ANKS1B: variants seen among roughly 807,000 people sequenced by gnomAD.
The protein encoded by ANKS1B is ankyrin repeat and sterile alpha motif domain-containing protein 1B.
Under a neutral mutation model 148.3 loss-of-function variants are expected in ANKS1B, and 36 were observed. The ratio of observed to expected loss-of-function variants is 0.24; its 90% CI spans 0.19 to 0.32. ANKS1B has a LOEUF of 0.32. Among genes scored for constraint, ANKS1B ranks in the 10% least tolerant of loss-of-function variants. The probability of loss-of-function intolerance (pLI) is 1.00; values close to 1 mark genes in which losing one functional copy is unlikely to be tolerated. For missense variants in ANKS1B, 1,157 were observed against 1,542.6 expected (o/e 0.75, Z 4.19); for synonymous variants, 542 against 560.8 (o/e 0.97, Z 0.47).
chr12:99,029,480 C>T (rs1324178650), intron 17 of ANKS1B, among the ~76,000 whole-genome samples: 3 of 152,186 alleles, frequency 2.0e-5, no homozygotes, highest in Non-Finnish European at 4.4e-5. Context: ...GGGTGAATTG[C>T]TCACGCTTTA....
At chr12:98,746,007 T>A (rs2097879961) in intron 26 of ANKS1B, 158 bp from the exon 27 acceptor site, 5 of 690,184 alleles carry the variant, frequency 7.2e-6, no homozygotes, top group Non-Finnish European at 9.1e-6. Context: ...TGGACACACA[T>A]TTACCGCATA....
chr12:99,384,891 A>G (rs1399943939), intron 12 of ANKS1B, among the ~76,000 whole-genome samples: 2 of 152,146 alleles, frequency 1.3e-5, no homozygotes, highest in South Asian at 2.1e-4. Context: ...TATTTCCAGT[A>G]TCTTGCCTGG....
intron 9 of ANKS1B, among the ~76,000 whole-genome samples, chr12:99,630,202 G>A (rs992518528): frequency 2.0e-5 from 3 of 152,036 alleles, no homozygotes; most frequent in African/African-American, 7.2e-5. Flanking sequence ...CCTAATGGTA[G>A]CCAGGATTCA....
At chr12:99,796,204 G>T (rs1271547036) in intron 4 of ANKS1B, among the ~76,000 whole-genome samples, 2 of 152,120 alleles carry the variant, frequency 1.3e-5, no homozygotes, top group Middle Eastern at 3.4e-3. Flanking sequence ...GCACAGAGAT[G>T]CTGGACAAAG....
At chr12:98,888,042 TAA>T (rs1234295966) in intron 17 of ANKS1B, among the ~76,000 whole-genome samples, 1 of 152,236 alleles carries the variant, frequency 6.6e-6, no homozygotes, top group African/African-American at 2.4e-5. Context: ...TTAAATGATA[TAA>T]GTCTACTGCT....
intron 8 of ANKS1B, among the ~76,000 whole-genome samples, chr12:99,665,807 G>GT (rs1393884208): frequency 2.0e-5 from 3 of 152,110 alleles, no homozygotes; most frequent in Non-Finnish European, 4.4e-5. Flanking sequence ...TTGCTGTGTT[G>GT]TAAGAGTATT....
At chr12:99,192,851 CAATATAATAA>C (rs1472489113) in intron 14 of ANKS1B, among the ~76,000 whole-genome samples, 1 of 151,786 alleles carries the variant, frequency 6.6e-6, no homozygotes, top group Non-Finnish European at 1.5e-5. Context: ...TTTTAATATT[CAATATAATAA>C]ATACAATTTG....
chr12:99,543,473 T>C (rs1157022036), intron 9 of ANKS1B, among the ~76,000 whole-genome samples: 1 of 152,138 alleles, frequency 6.6e-6, no homozygotes. Flanking sequence ...CCTCTAGTTA[T>C]ATATAACAAA....
At chr12:99,357,605 A>G (rs2092116420) in intron 12 of ANKS1B, among the ~76,000 whole-genome samples, 2 of 152,116 alleles carry the variant, frequency 1.3e-5, no homozygotes, top group Admixed American at 1.3e-4. Context: ...TCATCTGTTT[A>G]TGTGTCTGTG....
At chr12:99,893,185 C>A (rs1169692073) in intron 1 of ANKS1B, among the ~76,000 whole-genome samples, 1 of 151,984 alleles carries the variant, frequency 6.6e-6, no homozygotes, top group African/African-American at 2.4e-5. Context: ...CCGAGGCGGG[C>A]AGATCACAAG....
intron 17 of ANKS1B, among the ~76,000 whole-genome samples, chr12:99,041,808 C>G (rs1029263374): frequency 2.6e-5 from 4 of 151,992 alleles, no homozygotes; most frequent in African/African-American, 7.3e-5. Flanking sequence ...CACAACAAGC[C>G]TAGGTAACAT....
chr12:98,981,159 T>C (rs568953803), intron 17 of ANKS1B, among the ~76,000 whole-genome samples: 9 of 151,720 alleles, frequency 5.9e-5, no homozygotes, highest in Non-Finnish European at 2.9e-5. Context: ...TAAAAAAAAT[T>C]AGCTGGGCAT....
intron 1 of ANKS1B, among the ~76,000 whole-genome samples, chr12:99,925,981 A>G (rs942244984): frequency 2.0e-5 from 3 of 152,194 alleles, no homozygotes; most frequent in African/African-American, 7.2e-5. Context: ...GATAGCTTTT[A>G]AGTAGTTTTT....
chr12:98,794,386 C>A (rs574839775), intron 22 of ANKS1B: 11 of 185,106 alleles, frequency 5.9e-5, no homozygotes, highest in African/African-American at 9.1e-5. Flanking sequence ...GAGCGAAACT[C>A]TGTCTCAAAA....
chr12:99,861,213 A>G (rs1373398351), intron 1 of ANKS1B, among the ~76,000 whole-genome samples: 1 of 152,236 alleles, frequency 6.6e-6, no homozygotes, highest in Non-Finnish European at 1.5e-5. Context: ...TGAGGGCTGC[A>G]CAATTATAAT....
At chr12:99,783,686 TAGA>T (rs1265032684) in intron 4 of ANKS1B, among the ~76,000 whole-genome samples, 1 of 151,970 alleles carries the variant, frequency 6.6e-6, no homozygotes, top group African/African-American at 2.4e-5. Context: ...GTTGGACCCA[TAGA>T]AGTAGAGAGT....
chr12:99,814,098 G>A lies in ANKS1B; in HGVS notation c.216-1787C>T, dbSNP rs545675730. 3.3e-5 allele frequency among the ~76,000 whole-genome samples: 5 copies of A among 151,720 alleles called. 1 individual carries two copies. In the South Asian group the frequency reaches 6.2e-4, roughly 19 times the overall value. On this transcript the variant is annotated intron_variant, in intron 2 of 26. Coordinates refer to ENST00000683438, the MANE Select transcript of ANKS1B (RefSeq NM_001352186.2). ...AACATACTGTGCAGGCATGTAACTCGGGAGCAACGGGTCATACCATGTAGC... is the reference window on the plus strand; with the variant it reads ...AACATACTGTGCAGGCATGTAACTCAGGAGCAACGGGTCATACCATGTAGC...
intron 9 of ANKS1B, among the ~76,000 whole-genome samples, chr12:99,540,313 C>A (rs1273561907): frequency 6.6e-6 from 1 of 152,218 alleles, no homozygotes; most frequent in East Asian, 1.9e-4. Context: ...GCCAAGTAGA[C>A]CTAACAGACA....
chr12:98,823,722 C>T (rs1446856903), intron 19 of ANKS1B, among the ~76,000 whole-genome samples: 5 of 152,254 alleles, frequency 3.3e-5, no homozygotes, highest in Non-Finnish European at 7.3e-5. Context: ...AAACTCCTGG[C>T]CTCAAGTGCT....
Sources: allele counts gnomAD v4.1 joint callset (sites outside exome capture counted in the v4.1 genomes callset), GRCh38; gene constraint gnomAD v4.1.1; transcripts MANE v1.5; gene names NCBI Gene and HGNC (gene_info 2026-07-23, HGNC 2026-07-21).